The following BLK variants were observed in gnomAD, a reference collection of about 807,000 sequenced individuals.
The protein encoded by BLK is tyrosine-protein kinase Blk.
BLK carries 64 observed loss-of-function variants against 61.8 expected under a neutral mutation model. The ratio of observed to expected loss-of-function variants is 1.03; its 90% CI spans 0.85 to 1.27. The LOEUF is 1.27. Among genes scored for constraint, BLK ranks in the 50% most tolerant of loss-of-function variants. The probability of loss-of-function intolerance (pLI) is 0.00; values close to 1 mark genes in which losing one functional copy is unlikely to be tolerated. For missense variants in BLK, 853 were observed against 660.5 expected, an observed-to-expected ratio of 1.29 and a Z score of -3.19; for synonymous variants, 351 against 272.0, an observed-to-expected ratio of 1.29 and a Z score of -2.86.
chr8:11,547,600 C>A (rs1800705038), intron 3 of BLK, among the ~76,000 whole-genome samples: 1 of 152,234 alleles, frequency 6.6e-6, no homozygotes, highest in Non-Finnish European at 1.5e-5. Flanking sequence ...AAGACCACCC[C>A]TACTGGGGAT....
chr8:11,527,204 C>A (rs2252534), intron 1 of BLK, among the ~76,000 whole-genome samples: 128,367 of 152,172 alleles, frequency 0.84, 54,816 homozygotes, highest in East Asian at 0.98. Flanking sequence ...TACAAAACTC[C>A]ATACCCTTCA....
chr8:11,555,695 A>G, intron 8 of BLK: 1 of 739,500 alleles, frequency 1.4e-6, no homozygotes. Flanking sequence ...GTGGTGGCAG[A>G]GCAGGAACAG....
intron 1 of BLK, among the ~76,000 whole-genome samples, chr8:11,517,785 G>A (rs932243274): frequency 6.6e-6 from 1 of 152,210 alleles, no homozygotes; most frequent in Non-Finnish European, 1.5e-5. Flanking sequence ...CAGCCCTGGT[G>A]CTGCAGGCCA....
chr8:11,559,542 C>G lies in BLK; in HGVS notation c.1029+1504C>G, dbSNP rs556277054. ...ACAAACACACACACAAACACGCAAA[C>G]TTACACACACATGAGCAGACACACA... is the stretch of plus-strand genomic sequence containing the variant. On this transcript the variant is annotated intron_variant, in intron 10 of 12. Transcript: ENST00000259089. Among the ~76,000 whole-genome samples, 4 of 152,148 alleles carry G rather than the reference C, an allele frequency of 2.6e-5. No individual in the cohort carries two copies. In the East Asian group the frequency reaches 5.8e-4, roughly 22 times the overall value.
intron 6 of BLK, among the ~76,000 whole-genome samples, chr8:11,553,753 G>A (rs1801034915): frequency 1.3e-5 from 2 of 152,158 alleles, no homozygotes; most frequent in Admixed American, 1.3e-4. Flanking sequence ...CATGGCGTAC[G>A]CCTCTGGGTG....
intron 1 of BLK, among the ~76,000 whole-genome samples, chr8:11,507,735 G>A (rs993627881): frequency 2.0e-5 from 3 of 152,150 alleles, no homozygotes; most frequent in African/African-American, 7.2e-5. Flanking sequence ...AGATGACAGT[G>A]AGGCAGGATG....
At chr8:11,560,994 C>A (rs768924821) in intron 10 of BLK, 61 of 568,804 alleles carry the variant, frequency 1.1e-4, no homozygotes, top group African/African-American at 1.0e-3. Context: ...CTCTCCTTTT[C>A]TCCTGCCTGT....
At chr8:11,524,820 C>G (rs886648898) in intron 1 of BLK, among the ~76,000 whole-genome samples, 2 of 148,180 alleles carry the variant, frequency 1.3e-5, no homozygotes, top group Admixed American at 1.4e-4. Context: ...TTGCTGCAGA[C>G]AAAACAGGGA....
At chr8:11,537,057 G>C (rs1167456254) in intron 1 of BLK, among the ~76,000 whole-genome samples, 1 of 152,200 alleles carries the variant, frequency 6.6e-6, no homozygotes, top group Non-Finnish European at 1.5e-5. Context: ...GCTAGGAACT[G>C]TTATCGGGGC....
intron 2 of BLK, 104 bp downstream of exon 2, chr8:11,543,451 G>A (rs908535449): frequency 1.4e-6 from 2 of 1,479,102 alleles, no homozygotes; most frequent in Non-Finnish European, 1.8e-6. Flanking sequence ...TCCTGATAGG[G>A]ATGTAACGAT....
At chr8:11,547,432 A>T (rs1424520037) in intron 3 of BLK, among the ~76,000 whole-genome samples, 1 of 152,152 alleles carries the variant, frequency 6.6e-6, no homozygotes, top group Non-Finnish European at 1.5e-5. Flanking sequence ...GGCTCACTTG[A>T]AGATGGTGCT....
chr8:11,557,921 G>C (rs776018499), intron 9 of BLK, 41 bp from the exon 10 acceptor site: 1 of 1,598,936 alleles, frequency 6.3e-7, no homozygotes. Flanking sequence ...CCAGGGGCGG[G>C]TCACTTTGCA....
intron 1 of BLK, among the ~76,000 whole-genome samples, chr8:11,542,405 C>T (rs552756086): frequency 3.9e-5 from 6 of 152,292 alleles, no homozygotes; most frequent in South Asian, 2.1e-4. Context: ...GTCTGCATCT[C>T]AAGGAAGAGC....
At chr8:11,554,510 G>C (rs925515229) in intron 6 of BLK, among the ~76,000 whole-genome samples, 1 of 152,188 alleles carries the variant, frequency 6.6e-6, no homozygotes, top group African/African-American at 2.4e-5. Flanking sequence ...CCCTGGCTGA[G>C]TTTTGCAGGA....
At chr8:11,496,995 T>C (rs1276174509) in intron 1 of BLK, among the ~76,000 whole-genome samples, 1 of 151,876 alleles carries the variant, frequency 6.6e-6, no homozygotes, top group Non-Finnish European at 1.5e-5. Context: ...GCTTGCAGGG[T>C]TCACGTGTAT....
chr8:11,559,570 C>T (rs916551537), intron 10 of BLK, among the ~76,000 whole-genome samples: 9 of 152,128 alleles, frequency 5.9e-5, no homozygotes, highest in East Asian at 1.9e-4. Flanking sequence ...GACACACACC[C>T]GGCCCTTCTG....
intron 1 of BLK, among the ~76,000 whole-genome samples, chr8:11,537,446 C>G (rs544037600): frequency 6.6e-6 from 1 of 152,280 alleles, no homozygotes; most frequent in African/African-American, 2.4e-5. Flanking sequence ...GGCAAAGCCT[C>G]CAGCACATAA....
intron 1 of BLK, among the ~76,000 whole-genome samples, chr8:11,497,734 G>A (rs1798409746): frequency 6.6e-6 from 1 of 152,230 alleles, no homozygotes; most frequent in Non-Finnish European, 1.5e-5. Context: ...ATCCCTAATC[G>A]TGGTGCACCC....
intron 1 of BLK, among the ~76,000 whole-genome samples, chr8:11,506,197 G>T (rs748629171): frequency 6.6e-6 from 1 of 152,170 alleles, no homozygotes; most frequent in Non-Finnish European, 1.5e-5. Context: ...GCCACATCGT[G>T]GGGTGTCTTT....
Sources: allele counts gnomAD v4.1 joint callset (sites outside exome capture counted in the v4.1 genomes callset), GRCh38; gene constraint gnomAD v4.1.1; transcripts MANE v1.5; gene names NCBI Gene and HGNC (gene_info 2026-07-23, HGNC 2026-07-21).